The following GDPD4 variants were observed in gnomAD, a reference collection of about 807,000 sequenced individuals.
The protein encoded by GDPD4 is glycerophosphodiester phosphodiesterase domain containing 4.
In GDPD4, 60 loss-of-function variants were observed where a neutral mutation model predicts 67.8. The observed-to-expected ratio is 0.88, with a 90% confidence interval of 0.72 to 1.10. The LOEUF is 1.10. Ranked by LOEUF, GDPD4 falls within the 50% of genes least tolerant of loss-of-function variation. GDPD4 has a pLI of 0.00. For synonymous variants in GDPD4, 212 were observed against 210.9 expected (o/e 1.00, Z -0.04); for missense variants, 623 against 613.9 (o/e 1.01, Z -0.16).
intron 3 of GDPD4, 61 bp from the exon 4 acceptor site, chr11:77,279,460 G>A: frequency 9.6e-7 from 1 of 1,045,434 alleles, no homozygotes; most frequent in Non-Finnish European, 1.5e-6. Flanking sequence ...TCTGTGTCAA[G>A]GATGGGGACA....
At chr11:77,291,021 A>G (rs1027336551) in intron 1 of GDPD4, among the ~76,000 whole-genome samples, 1 of 152,356 alleles carries the variant, frequency 6.6e-6, no homozygotes, top group Middle Eastern at 3.4e-3. Flanking sequence ...ACCACTTGGT[A>G]GTTATCCAAA....
chr11:77,279,272 G>A (rs1236319179), intron 4 of GDPD4, 34 bp downstream of exon 4: 1 of 1,376,950 alleles, frequency 7.3e-7, no homozygotes, highest in Non-Finnish European at 1.0e-6. Context: ...GGCTACTCAG[G>A]AAGGGAGTGG....
At chr11:77,227,392 C>A (rs530024029) in intron 16 of GDPD4, among the ~76,000 whole-genome samples, 7 of 152,344 alleles carry the variant, frequency 4.6e-5, no homozygotes, top group Admixed American at 1.3e-4. Flanking sequence ...CACCTTCCCC[C>A]TAATGGGCAT....
In GDPD4 at chr11:77,271,364, A is replaced by T; in HGVS notation, c.237T>A (p.Cys79Ter). 6.2e-7 allele frequency: 1 copy of T among 1,613,534 alleles called. No individual in the cohort carries two copies. Among genetic ancestry groups the T allele is most frequent in the Non-Finnish European group, 8.5e-7 (1 of 1,179,486 alleles). Residue 79 changes from cysteine (C) to a stop codon, truncating the protein, a stop_gained, in exon 6 of 17, where the codon TGT becomes TGA. Coordinates refer to ENST00000315938, the MANE Select transcript of GDPD4 (RefSeq NM_182833.3). LOFTEE classifies it high-confidence loss of function. Reference sequence around the variant, plus strand: ...TGCATATAATGAACATTAAAATGACACACAGAAGAATCACTAGCAGAATCA... The same window carrying T: ...TGCATATAATGAACATTAAAATGACTCACAGAAGAATCACTAGCAGAATCA... ...KILILLVILL[C>*]VILMFIICKF...
At chr11:77,240,218 C>T (rs1459803528) in intron 13 of GDPD4, among the ~76,000 whole-genome samples, 1 of 151,994 alleles carries the variant, frequency 6.6e-6, no homozygotes, top group Non-Finnish European at 1.5e-5. Context: ...CTGGACACAT[C>T]ACATTCCCTA....
chr11:77,250,006 A>G (rs1372675728), intron 11 of GDPD4, among the ~76,000 whole-genome samples: 1 of 152,214 alleles, frequency 6.6e-6, no homozygotes, highest in East Asian at 1.9e-4. Flanking sequence ...TCTTATTTGT[A>G]AAAAGCTTAA....
At chr11:77,291,339 T>A (rs932122407) in intron 1 of GDPD4, among the ~76,000 whole-genome samples, 5 of 152,034 alleles carry the variant, frequency 3.3e-5, no homozygotes, top group African/African-American at 1.2e-4. Context: ...AGGTAATGAG[T>A]AGAATGATAA....
intron 16 of GDPD4, among the ~76,000 whole-genome samples, 166 bp from the exon 17 acceptor site, chr11:77,217,480 T>C (rs1299406972): frequency 6.6e-6 from 1 of 150,728 alleles, no homozygotes; most frequent in Non-Finnish European, 1.5e-5. Flanking sequence ...AACTTTATTA[T>C]GGCCCTCCAA....
intron 5 of GDPD4, among the ~76,000 whole-genome samples, chr11:77,275,619 A>T (rs1033212555): frequency 6.6e-6 from 1 of 152,098 alleles, no homozygotes; most frequent in African/African-American, 2.4e-5. Flanking sequence ...TCCTTGTGAG[A>T]CTGTGCTCGT....
intron 16 of GDPD4, 118 bp downstream of exon 16, chr11:77,227,746 C>T (rs1187999874): frequency 4.4e-6 from 3 of 682,782 alleles, no homozygotes; most frequent in South Asian, 3.0e-5. Context: ...CCCCCAACCC[C>T]ACCCCCAACT....
chr11:77,299,437 T>C lies in GDPD4; in HGVS notation c.-254+2168A>G, dbSNP rs116564239. The stretch of plus-strand genomic sequence containing the variant: ...CCTCTATTGCACTCTACTTTTTTTC[T>C]ATAGAAAATAAAACATTATATAATG... On this transcript the variant is annotated intron_variant, in intron 1 of 16. Coordinates refer to ENST00000315938, the MANE Select transcript of GDPD4 (RefSeq NM_182833.3). Among the ~76,000 whole-genome samples the C allele has an allele frequency of 6.6e-3, 1,005 of 152,308 alleles. 10 individuals are homozygous for C. The highest frequency in any genetic ancestry group is 0.023 in the African/African-American group (945 of 41,564).
intron 1 of GDPD4, among the ~76,000 whole-genome samples, chr11:77,292,087 C>G (rs1424915539): frequency 2.0e-5 from 3 of 151,728 alleles, no homozygotes; most frequent in Admixed American, 2.0e-4. Flanking sequence ...TGATCATACA[C>G]ATTTTCAATT....
chr11:77,275,277 G>A (rs572417874), intron 5 of GDPD4, among the ~76,000 whole-genome samples: 4 of 152,290 alleles, frequency 2.6e-5, no homozygotes, highest in East Asian at 3.9e-4. Flanking sequence ...TCAAGCCCAT[G>A]GGAGAACAAA....
chr11:77,233,098 C>G lies in GDPD4; in HGVS notation c.1316G>C (p.Cys439Ser), dbSNP rs770790218. The G allele has an allele frequency of 6.2e-7, 1 of 1,613,944 alleles. No homozygotes were observed. The highest frequency in any genetic ancestry group is 1.7e-5 in the Admixed American group (1 of 60,002). ...TGTGGTCACTGAGTTAATCCTGGAG[C>G]ACCAGGCCAGTGAGAAAAGCCAAGG... ...NEPWLFSLAW[C>S]SRINSVTTDN... Residue 439 changes from cysteine to serine, a missense_variant, in exon 14 of 17, where the codon TGC becomes TCC. Coordinates refer to ENST00000315938, the MANE Select transcript of GDPD4 (RefSeq NM_182833.3).
chr11:77,269,774 A>G (rs1481291933), intron 8 of GDPD4, 109 bp downstream of exon 8: 1 of 620,656 alleles, frequency 1.6e-6, no homozygotes, highest in East Asian at 2.8e-5. Context: ...ATAACCAGCC[A>G]TTCCCCAAGA....
At chr11:77,258,801 G>A (rs1220113348) in intron 10 of GDPD4, among the ~76,000 whole-genome samples, 1 of 152,124 alleles carries the variant, frequency 6.6e-6, no homozygotes, top group African/African-American at 2.4e-5. Flanking sequence ...GGGGCTTTCT[G>A]GCATTAGGAA....
chr11:77,271,274 G>A (rs1337779689), intron 6 of GDPD4, 21 bp downstream of exon 6: 1 of 1,608,002 alleles, frequency 6.2e-7, no homozygotes, highest in South Asian at 1.1e-5. Flanking sequence ...GCTAGTGCTG[G>A]AGCTATAGGA....
In GDPD4 at chr11:77,217,010, G is replaced by T. The variant is rs774317564; in HGVS notation, c.*267C>A. On this transcript the variant is annotated 3_prime_UTR_variant, in exon 17 of 17. Coordinates refer to ENST00000315938, the MANE Select transcript of GDPD4 (RefSeq NM_182833.3). ...CAGGGTGGGCAATGTAGTTTGAAAG[G>T]TAGCCTCACTTGTAGCCTGCCTGGT... 2.8e-6 allele frequency: 2 copies of T among 703,292 alleles called. No individual in the cohort carries two copies. The allele number at this position is 703,292 out of a possible 1,614,324, so 43.6% of individuals were successfully genotyped here.
intron 10 of GDPD4, among the ~76,000 whole-genome samples, chr11:77,264,195 G>A (rs977478950): frequency 6.6e-6 from 1 of 152,142 alleles, no homozygotes; most frequent in African/African-American, 2.4e-5. Flanking sequence ...TCACTCAGAT[G>A]CAAATAACTT....
Sources: allele counts gnomAD v4.1 joint callset (sites outside exome capture counted in the v4.1 genomes callset), GRCh38; gene constraint gnomAD v4.1.1; transcripts MANE v1.5; gene names NCBI Gene and HGNC (gene_info 2026-07-23, HGNC 2026-07-21).